Variants in ST6GALNAC6 observed in about 807,000 individuals in gnomAD.
ST6GALNAC6 encodes the protein ST6 N-acetylgalactosaminide alpha-2,6-sialyltransferase 6.
A neutral mutation model predicts 34.3 loss-of-function variants in ST6GALNAC6; 19 were observed. That is an observed-to-expected ratio of 0.55 (90% CI 0.39 to 0.81). The LOEUF (loss-of-function observed/expected upper bound fraction) is 0.81, where lower values mean the gene tolerates loss of function less well. Among genes scored for constraint, ST6GALNAC6 ranks in the 40% least tolerant of loss-of-function variants. The pLI is 0.00. For missense variants in ST6GALNAC6, 377 were observed against 467.7 expected, an observed-to-expected ratio of 0.81 and a Z score of 1.79; for synonymous variants, 185 against 182.1, an observed-to-expected ratio of 1.02 and a Z score of -0.13.
At chr9:127,905,928 CCCTT>C, upstream of ST6GALNAC6, 3 of 985,496 alleles carry the variant, frequency 3.0e-6, no homozygotes, top group Non-Finnish European at 3.6e-6. Context: ...CTCCATCCCG[CCCTT>C]ACCTCTGCCT....
At position 127,896,149 on chromosome 9, in the gene ST6GALNAC6, G is replaced by A. The variant is rs571845458; in HGVS notation, c.117+93C>T. The stretch of plus-strand genomic sequence containing the variant: ...GCTTCTTGCGGGGAAGAAGAGACTC[G>A]TGGTGGCTGGGGTCTGAGACAGGTC... On this transcript the variant is annotated intron_variant, in intron 3 of 6. Transcript: ENST00000373146. The A allele has an allele frequency of 8.4e-5, 118 of 1,403,936 alleles. No individual in the cohort carries two copies. The South Asian group carries it at 9.8e-4, about 12-fold the overall frequency. 87.0% of individuals were successfully genotyped at this position (1,403,936 alleles called of 1,614,324 possible). A position where few individuals can be genotyped will look rare whatever the true frequency, so the allele number is the denominator to read the frequency against.
At chr9:127,901,308 G>A (rs1246500759), upstream of ST6GALNAC6, among the ~76,000 whole-genome samples, 2 of 152,132 alleles carry the variant, frequency 1.3e-5, no homozygotes, top group Non-Finnish European at 2.9e-5. Flanking sequence ...TACACAATAG[G>A]GGCCGGGCGC....
At chr9:127,896,434 G>C in intron 2 of ST6GALNAC6, 102 bp from the exon 3 acceptor site, 1 of 982,250 alleles carries the variant, frequency 1.0e-6, no homozygotes, top group Non-Finnish European at 1.5e-6. Flanking sequence ...TATGCACCCA[G>C]AACTTTAAGG....
In ST6GALNAC6 at chr9:127,897,991, C is replaced by T. The variant is rs1191153788; in HGVS notation, c.-10G>A. ...GCCTCGAGCAAGCCATGTGACCTCT[C>T]TGAGCCTCAGTTTCCTCATCTGTGA... On this transcript the variant is annotated 5_prime_UTR_variant, in exon 2 of 7. Transcript: ENST00000373146. 6.6e-7 allele frequency: 1 copy of T among 1,519,120 alleles called. No individual in the cohort carries two copies. Among genetic ancestry groups the T allele is most frequent in the Admixed American group, 1.7e-5 (1 of 58,146 alleles). The allele number at this position is 1,519,120 out of a possible 1,614,324, so 94.1% of individuals were successfully genotyped here. A position where few individuals can be genotyped will look rare whatever the true frequency, so the allele number is the denominator to read the frequency against.
chr9:127,900,560 CAAAAAAAAAAAAA>C (rs71380101), upstream of ST6GALNAC6, among the ~76,000 whole-genome samples: 5 of 44,186 alleles, frequency 1.1e-4, no homozygotes, highest in African/African-American at 4.7e-4. Context: ...AACTCCGTCT[CAAAAAAAAAAAAA>C]AAAAAAAAAA....
rs924505633 is a variant in ST6GALNAC6, at chr9:127,886,508, C to T, written c.*91G>A. 1.9e-6 allele frequency: 3 copies of T among 1,544,220 alleles called. No homozygotes were observed. Among genetic ancestry groups the T allele is most frequent in the Non-Finnish European group, 2.6e-6 (3 of 1,145,256 alleles). On this transcript the variant is annotated 3_prime_UTR_variant, in exon 7 of 7. Transcript: ENST00000373146. ...ATTGGCTGGGAGACACTCCAGCAAGCCTTGATTGGCCAGAAGATGGTCCCT... is the reference window on the plus strand; with the variant it reads ...ATTGGCTGGGAGACACTCCAGCAAGTCTTGATTGGCCAGAAGATGGTCCCT...
rs978367810 is a variant in ST6GALNAC6, at chr9:127,890,150, A to G, written c.704+487T>C. Among the ~76,000 whole-genome samples the G allele has an allele frequency of 1.3e-5, 2 of 152,258 alleles. No homozygotes were observed. The highest frequency in any genetic ancestry group is 2.9e-5 in the Non-Finnish European group (2 of 68,046). Reference sequence around the variant, plus strand: ...TGAAAATAAATGACATATGTGGCTCACATAGATTTCTATTGGGCAGCACTG... The same window carrying G: ...TGAAAATAAATGACATATGTGGCTCGCATAGATTTCTATTGGGCAGCACTG... On this transcript the variant is annotated intron_variant, in intron 5 of 6. Transcript: ENST00000373146. This position sits in a 1 kb window ranked among gnomAD's most constrained non-coding sequence, Gnocchi z 4.3.
At chr9:127,902,919 T>G (rs1054584207), upstream of ST6GALNAC6, 1 of 150,002 alleles carries the variant, frequency 6.7e-6, no homozygotes, top group African/African-American at 2.4e-5. Context: ...TTAAATATTT[T>G]TATATATTTA....
At chr9:127,894,778 T>G (rs1830351610) in intron 3 of ST6GALNAC6, 87 bp from the exon 4 acceptor site, 1 of 1,494,802 alleles carries the variant, frequency 6.7e-7, no homozygotes, top group Admixed American at 1.9e-5. Flanking sequence ...CCTGGTTAAC[T>G]CCTGCTTTTT....
At chr9:127,895,732 C>A (rs1221236827) in intron 3 of ST6GALNAC6, among the ~76,000 whole-genome samples, 1 of 152,218 alleles carries the variant, frequency 6.6e-6, no homozygotes, top group Non-Finnish European at 1.5e-5. Context: ...CCCCATCCCA[C>A]TTCCAAACCT....
At chr9:127,891,711 G>A (rs911257776) in intron 4 of ST6GALNAC6, among the ~76,000 whole-genome samples, 1 of 144,696 alleles carries the variant, frequency 6.9e-6, no homozygotes, top group African/African-American at 2.5e-5. Flanking sequence ...GGAAAGGAAA[G>A]GAGAGGAGAG....
At chr9:127,892,977 G>A (rs1038768397) in intron 4 of ST6GALNAC6, among the ~76,000 whole-genome samples, 1 of 152,066 alleles carries the variant, frequency 6.6e-6, no homozygotes, top group African/African-American at 2.4e-5. Flanking sequence ...ACTATCCCAC[G>A]CCTCCTCATT....
chr9:127,886,697 G>T lies in ST6GALNAC6; in HGVS notation c.904C>A (p.Arg302Ser), dbSNP rs777035108. 1.9e-5 allele frequency: 31 copies of T among 1,614,156 alleles called. No homozygotes were observed. The highest frequency in any genetic ancestry group is 2.5e-5 in the Non-Finnish European group (29 of 1,180,032). ...CVTYIQNEHS[R>S]KGNHHRFITE... ...ATGAAGCGGTGGTGGTTGCCCTTGCGACTGTGCTCATTCTGGATGTAGGTG... is the reference window on the plus strand; with the variant it reads ...ATGAAGCGGTGGTGGTTGCCCTTGCTACTGTGCTCATTCTGGATGTAGGTG... Residue 302 changes from arginine to serine, a missense_variant, in exon 7 of 7, where the codon CGC (arginine) becomes AGC (serine). Coordinates refer to ENST00000373146, the MANE Select transcript of ST6GALNAC6 (RefSeq NM_013443.5).
At position 127,897,959 on chromosome 9, in the gene ST6GALNAC6, C is replaced by G. The variant is rs1224748831; in HGVS notation, c.23G>C (p.Ser8Thr). 1.9e-6 allele frequency: 3 copies of G among 1,609,644 alleles called. No individual in the cohort carries two copies. The highest frequency in any genetic ancestry group is 8.5e-7 in the Non-Finnish European group (1 of 1,177,380). The change falls in exon 2 of 7, where the codon AGC becomes ACC. Residue 8 changes from serine (S) to threonine (T), a missense_variant. Physicochemically the swap from Ser to Thr is moderately conservative, Grantham distance 58. Coordinates refer to ENST00000373146, the MANE Select transcript of ST6GALNAC6 (RefSeq NM_013443.5). The part of the protein sequence containing the change: MACSRPP[S>T]QCEPTSLPPG... ...GAATCCCGGTTTCACCACTTACTGGCTGGGGGGCCTCGAGCAAGCCATGTG... is the reference window on the plus strand; with the variant it reads ...GAATCCCGGTTTCACCACTTACTGGGTGGGGGGCCTCGAGCAAGCCATGTG...
chr9:127,902,772 G>A (rs1240481167), upstream of ST6GALNAC6, among the ~76,000 whole-genome samples: 1 of 150,376 alleles, frequency 6.6e-6, no homozygotes, highest in Middle Eastern at 3.2e-3. Flanking sequence ...ATTTTTAGTA[G>A]AAACGAGGTT....
At chr9:127,895,667 C>T (rs904714126) in intron 3 of ST6GALNAC6, among the ~76,000 whole-genome samples, 4 of 152,154 alleles carry the variant, frequency 2.6e-5, no homozygotes, top group Non-Finnish European at 5.9e-5. Context: ...TAAACTTTTC[C>T]GTTTAATCAC....
intron 4 of ST6GALNAC6, among the ~76,000 whole-genome samples, chr9:127,891,647 GAAAC>G (rs1442481623): frequency 6.8e-6 from 1 of 147,066 alleles, no homozygotes; most frequent in African/African-American, 2.5e-5. Flanking sequence ...AGAAAGAAAA[GAAAC>G]AAGGAAAGGA....
intron 1 of ST6GALNAC6, 60 bp downstream of exon 1, chr9:127,899,443 G>A (rs1335606356): frequency 4.1e-6 from 2 of 482,832 alleles, no homozygotes; most frequent in Non-Finnish European, 5.4e-6. Flanking sequence ...GGCGCCCTCC[G>A]CCCCAGCCCC....
chr9:127,890,827 C>T lies in ST6GALNAC6; in HGVS notation c.514G>A (p.Val172Ile). ...AACACGGTTTCAGGGGTCCGGTTGA[C>T]AAACTCCTGGGGCCTCCTCAGCACG... ...FRVLRRPQEF[V>I]NRTPETVFIF... Residue 172 changes from valine (V) to isoleucine (I), a missense_variant, in exon 5 of 7, where the codon GTC (valine) becomes ATC (isoleucine). Coordinates refer to ENST00000373146, the MANE Select transcript of ST6GALNAC6 (RefSeq NM_013443.5). The surrounding 1 kb of genome is among the most constrained non-coding windows in gnomAD (Gnocchi z 4.3). 6.2e-7 allele frequency: 1 copy of T among 1,613,954 alleles called. No homozygotes were observed. The highest frequency in any genetic ancestry group is 8.5e-7 in the Non-Finnish European group (1 of 1,179,832).
Sources: gnomAD v4.1 joint callset for allele counts (sites outside exome capture counted in the v4.1 genomes callset) on GRCh38, gnomAD v4.1.1 for gene constraint, Gnocchi (gnomAD v3.1) non-coding constraint, MANE v1.5 for transcripts, NCBI Gene and HGNC (gene_info 2026-07-23, HGNC 2026-07-21) for gene names.